The following FRMPD1 variants were observed in gnomAD, a reference collection of about 807,000 sequenced individuals.
FRMPD1 encodes FERM and PDZ domain containing 1.
FRMPD1 carries 76 observed loss-of-function variants against 117.8 expected under a neutral mutation model. The ratio of observed to expected loss-of-function variants is 0.65; its 90% CI spans 0.54 to 0.78. The LOEUF (loss-of-function observed/expected upper bound fraction) is 0.78, where lower values mean the gene tolerates loss of function less well. Among genes scored for constraint, FRMPD1 ranks in the 30% least tolerant of loss-of-function variants. FRMPD1 has a pLI of 0.00. For missense variants in FRMPD1, 1,786 were observed against 1,964.5 expected (o/e 0.91, Z 1.72); for synonymous variants, 783 against 770.4 (o/e 1.02, Z -0.27).
At chr9:37,607,854 CT>C in the FRMPD1 span, among the ~76,000 whole-genome samples, 1 of 152,196 alleles carries the variant, frequency 6.6e-6, no homozygotes, top group Middle Eastern at 3.2e-3. Context: ...CATACCAGCT[CT>C]TGTTTCTACT....
chr9:37,714,734 C>T (rs1823046147), intron 5 of FRMPD1, among the ~76,000 whole-genome samples: 1 of 151,920 alleles, frequency 6.6e-6, no homozygotes, highest in African/African-American at 2.4e-5. Flanking sequence ...GCAACCTCCG[C>T]CTCCTGGGTT....
At chr9:37,618,786 G>T in the FRMPD1 span, among the ~76,000 whole-genome samples, 18 of 151,924 alleles carry the variant, frequency 1.2e-4, no homozygotes, top group African/African-American at 4.4e-4. Flanking sequence ...TCTCTCTTTC[G>T]GTCTCTGACT....
At position 37,740,444 on chromosome 9, in the gene FRMPD1, T is replaced by C. The variant is rs749018086; in HGVS notation, c.1916T>C (p.Ile639Thr). 1.9e-6 allele frequency: 3 copies of C among 1,614,136 alleles called. No individual in the cohort carries two copies. The highest frequency in any genetic ancestry group is 1.1e-5 in the South Asian group (1 of 91,078). ...HFGSPGLAES[I>T]DSDSQEERSG... ...GGCTCGCCAGGCCTCGCAGAGAGCA[T>C]TGACTCTGACAGCCAGGAGGAGAGA... The change falls in exon 15 of 16, where the codon ATT becomes ACT. Residue 639 changes from isoleucine (I) to threonine (T), a missense_variant. By Grantham distance (89) the Ile-to-Thr change is moderately conservative. Coordinates refer to ENST00000377765, the MANE Select transcript of FRMPD1 (RefSeq NM_014907.3). The surrounding 1 kb of genome is among the most constrained non-coding windows in gnomAD (Gnocchi z 4.2).
In FRMPD1 at chr9:37,744,889, A is replaced by G; in HGVS notation, c.2857A>G (p.Lys953Glu). ...AIRFRIDPNN[K>E]ENSGVVPAAS... ...TCGCTTCCGGATTGACCCCAACAAT[A>G]AAGAGAATTCTGGTGTTGTCCCTGC... The change falls in exon 16 of 16, where the codon AAA becomes GAA. Residue 953 changes from lysine to glutamate, a missense_variant. Transcript: ENST00000377765. The G allele has an allele frequency of 6.2e-7, 1 of 1,614,162 alleles. No individual in the cohort carries two copies.
chr9:37,671,881 G>A (rs922937456), intron 1 of FRMPD1, among the ~76,000 whole-genome samples: 2 of 152,106 alleles, frequency 1.3e-5, no homozygotes, highest in South Asian at 2.1e-4. Context: ...AAGGAGAATC[G>A]CTTGAACCTG....
chr9:37,739,846 C>T (rs1434871535), intron 14 of FRMPD1, among the ~76,000 whole-genome samples: 2 of 152,080 alleles, frequency 1.3e-5, no homozygotes, highest in Non-Finnish European at 2.9e-5. Flanking sequence ...GGAGTTAATC[C>T]AGCCTCCTTT....
At chr9:37,632,736 C>T in the FRMPD1 span, among the ~76,000 whole-genome samples, 2 of 152,018 alleles carry the variant, frequency 1.3e-5, no homozygotes, top group African/African-American at 4.8e-5. Context: ...GGCTGCAGTA[C>T]TCTAATTAGC....
intron 14 of FRMPD1, among the ~76,000 whole-genome samples, chr9:37,739,301 G>A (rs1455022162): frequency 6.6e-6 from 1 of 152,218 alleles, no homozygotes; most frequent in African/African-American, 2.4e-5. Context: ...GTGAGAGTCT[G>A]TAACTGTTGT....
chr9:37,721,548 C>G (rs376077464), intron 6 of FRMPD1, among the ~76,000 whole-genome samples: 1 of 152,042 alleles, frequency 6.6e-6, no homozygotes, highest in Non-Finnish European at 1.5e-5. Flanking sequence ...TATAGTCATG[C>G]ACTACTGATG....
chr9:37,645,843 C>T, the FRMPD1 span, among the ~76,000 whole-genome samples: 8 of 152,220 alleles, frequency 5.3e-5, no homozygotes, highest in African/African-American at 1.9e-4. Context: ...TTGCCAACAG[C>T]AGTACTTCTC....
intron 14 of FRMPD1, among the ~76,000 whole-genome samples, chr9:37,738,627 C>T (rs528678077): frequency 1.5e-4 from 23 of 152,264 alleles, no homozygotes; most frequent in Admixed American, 1.4e-3. Context: ...GCATGAGCCA[C>T]GGCGCCCAGC....
At position 37,708,452 on chromosome 9, in the gene FRMPD1, A is replaced by C; in HGVS notation, c.313A>C (p.Asn105His). The C allele has an allele frequency of 6.2e-7, 1 of 1,613,642 alleles. No individual in the cohort carries two copies. The highest frequency in any genetic ancestry group is 2.2e-5 in the East Asian group (1 of 44,896). Residue 105 changes from asparagine (N) to histidine (H), a missense_variant, in exon 4 of 16, where the codon AAT (asparagine) becomes CAT (histidine). Asn to His is a moderately conservative substitution (Grantham distance 68, BLOSUM62 1). Coordinates refer to ENST00000377765, the MANE Select transcript of FRMPD1 (RefSeq NM_014907.3). ...FPGDQILQMN[N>H]EPAEDLSWER... ...TGGTGATCAGATCCTCCAAATGAAC[A>C]ATGAGCCTGCTGAAGACCTTTCCTG...
chr9:37,619,448 G>A, the FRMPD1 span, among the ~76,000 whole-genome samples: 69 of 152,236 alleles, frequency 4.5e-4, 1 homozygote, highest in Admixed American at 7.2e-4. Flanking sequence ...AAATGGAGTA[G>A]GGCAAAAGCT....
chr9:37,685,398 C>T (rs967433855), intron 1 of FRMPD1, among the ~76,000 whole-genome samples: 19 of 152,034 alleles, frequency 1.2e-4, no homozygotes, highest in African/African-American at 3.4e-4. Context: ...AATCCCAGCA[C>T]TTTGGGAGGC....
the FRMPD1 span, among the ~76,000 whole-genome samples, chr9:37,635,473 G>A: frequency 6.6e-6 from 1 of 151,846 alleles, no homozygotes; most frequent in Non-Finnish European, 1.5e-5. Context: ...CTCACCCGAG[G>A]GCCAATGGAA....
At position 37,702,359 on chromosome 9, in the gene FRMPD1, C is replaced by T. The variant is rs2118110522; in HGVS notation, c.102-5057C>T. 2.0e-5 allele frequency among the ~76,000 whole-genome samples: 3 copies of T among 152,296 alleles called. 1 individual carries two copies. In the South Asian group the frequency reaches 6.2e-4, roughly 32 times the overall value. On this transcript the variant is annotated intron_variant, in intron 2 of 15. Coordinates refer to ENST00000377765, the MANE Select transcript of FRMPD1 (RefSeq NM_014907.3). Reference sequence around the variant, plus strand: ...TACAGAGGTGGACAAAATGTGGTTCCTGTTTCCAAGGAATAAATAGTCTGT... The same window carrying T: ...TACAGAGGTGGACAAAATGTGGTTCTTGTTTCCAAGGAATAAATAGTCTGT...
At chr9:37,721,822 A>C (rs936883062) in intron 6 of FRMPD1, among the ~76,000 whole-genome samples, 1 of 152,254 alleles carries the variant, frequency 6.6e-6, no homozygotes, top group Non-Finnish European at 1.5e-5. Context: ...CATTAAAATT[A>C]TGAACATTAA....
In FRMPD1 at chr9:37,686,260, G is replaced by A. The variant is rs377510403; in HGVS notation, c.-4-6378G>A. The stretch of plus-strand genomic sequence containing the variant: ...GAAAAGAAGCTGATTTATTCTGGGC[G>A]GTGGTGGTAGGAGTGGCCAGAGGGC... On this transcript the variant is annotated intron_variant, in intron 1 of 15. Coordinates refer to ENST00000377765, the MANE Select transcript of FRMPD1 (RefSeq NM_014907.3). Among the ~76,000 whole-genome samples, 76 of 152,330 alleles carry A rather than the reference G, an allele frequency of 5.0e-4. No homozygotes were observed. The South Asian group carries it at 9.9e-3, about 20-fold the overall frequency.
chr9:37,612,282 T>C, the FRMPD1 span, among the ~76,000 whole-genome samples: 1 of 152,070 alleles, frequency 6.6e-6, no homozygotes, highest in South Asian at 2.1e-4. Flanking sequence ...TTATGAGGGG[T>C]GTGTCCTCCT....
Sources: allele counts gnomAD v4.1 joint callset (sites outside exome capture counted in the v4.1 genomes callset), GRCh38; gene constraint gnomAD v4.1.1; non-coding constraint Gnocchi (gnomAD v3.1); transcripts MANE v1.5; gene names NCBI Gene and HGNC (gene_info 2026-07-23, HGNC 2026-07-21).